Variants in SLC8A1 observed in about 807,000 individuals in gnomAD.
SLC8A1 encodes solute carrier family 8 member A1.
SLC8A1 carries 18 observed loss-of-function variants against 68.3 expected under a neutral mutation model. The ratio of observed to expected loss-of-function variants is 0.26; its 90% CI spans 0.18 to 0.39. The LOEUF (loss-of-function observed/expected upper bound fraction) is 0.39, where lower values mean the gene tolerates loss of function less well. SLC8A1 is among the 10% of genes least tolerant of loss of function. The pLI is 1.00. For synonymous variants in SLC8A1, 475 were observed against 415.5 expected, an observed-to-expected ratio of 1.14 and a Z score of -1.74; for missense variants, 985 against 1,156.7, an observed-to-expected ratio of 0.85 and a Z score of 2.15.
chr2:40,339,356 T>C (rs1214825739), intron 2 of SLC8A1, among the ~76,000 whole-genome samples: 2 of 152,200 alleles, frequency 1.3e-5, no homozygotes, highest in African/African-American at 2.4e-5. Flanking sequence ...GAGGAAAGGA[T>C]ATCAGAAGGC....
intron 2 of SLC8A1, among the ~76,000 whole-genome samples, chr2:40,356,455 G>A (rs13405065): frequency 0.48 from 72,954 of 151,734 alleles, 18,112 homozygotes; most frequent in Admixed American, 0.59. Context: ...TAAAAATCGC[G>A]TGAATACTTC....
At chr2:40,126,474 C>G (rs573480562) in intron 7 of SLC8A1, among the ~76,000 whole-genome samples, 1 of 152,288 alleles carries the variant, frequency 6.6e-6, no homozygotes, top group East Asian at 1.9e-4. Flanking sequence ...GGGATACCAT[C>G]TGCTGAGAAC....
chr2:40,367,085 T>TG (rs1308256067), intron 2 of SLC8A1, among the ~76,000 whole-genome samples: 2 of 151,966 alleles, frequency 1.3e-5, no homozygotes, highest in African/African-American at 4.8e-5. Flanking sequence ...GGATTTTTCA[T>TG]AAAAACCAAA....
At chr2:40,317,016 C>T (rs796583506) in intron 2 of SLC8A1, among the ~76,000 whole-genome samples, 3 of 152,044 alleles carry the variant, frequency 2.0e-5, no homozygotes, top group East Asian at 1.9e-4. Flanking sequence ...TTTGTTCACT[C>T]ATACGGAGTA....
chr2:40,127,916 G>A (rs950850390), intron 7 of SLC8A1, among the ~76,000 whole-genome samples: 4 of 152,140 alleles, frequency 2.6e-5, no homozygotes, highest in Admixed American at 6.5e-5. Flanking sequence ...GGGCACTAAC[G>A]GAGTTAGTGT....
At chr2:40,333,209 C>T (rs1018280811) in intron 2 of SLC8A1, among the ~76,000 whole-genome samples, 1 of 151,914 alleles carries the variant, frequency 6.6e-6, no homozygotes, top group Non-Finnish European at 1.5e-5. Flanking sequence ...GAGGCCAAGG[C>T]GGGCGGATCA....
chr2:40,226,699 C>G (rs760603229), intron 2 of SLC8A1, among the ~76,000 whole-genome samples: 4 of 152,146 alleles, frequency 2.6e-5, no homozygotes, highest in Non-Finnish European at 5.9e-5. Flanking sequence ...GCATCTTTGA[C>G]TAATGTGTAC....
chr2:40,142,245 A>G (rs1241466521), intron 6 of SLC8A1, among the ~76,000 whole-genome samples: 3 of 152,042 alleles, frequency 2.0e-5, no homozygotes, highest in Non-Finnish European at 2.9e-5. Context: ...GTAGAACTCC[A>G]TGTTAGAGAT....
chr2:40,119,555 A>C (rs892853210), intron 7 of SLC8A1, among the ~76,000 whole-genome samples: 2 of 152,232 alleles, frequency 1.3e-5, no homozygotes, highest in African/African-American at 4.8e-5. Flanking sequence ...CCTATGGTTA[A>C]ACCAGGCAAA....
Position 40,327,592 on chromosome 2 carries a change from CAT to C in SLC8A1, c.1808+100879_1808+100880del, listed in dbSNP as rs943144598. Among the ~76,000 whole-genome samples, 85 of 147,552 alleles carry C rather than the reference CAT, an allele frequency of 5.8e-4. 1 individual carries two copies. The highest frequency in any genetic ancestry group is 1.9e-3 in the African/African-American group (79 of 40,960). On this transcript the variant is annotated intron_variant, in intron 2 of 7. Coordinates refer to ENST00000406785, the Ensembl canonical transcript of SLC8A1. ...AATACTATGCAACCATAAAAAAAAA[CAT>C]GTTCTTTGCAGCAACATGGATGCAG...
chr2:40,173,300 A>G (rs1000961660), intron 4 of SLC8A1, among the ~76,000 whole-genome samples: 2 of 152,202 alleles, frequency 1.3e-5, no homozygotes, highest in Admixed American at 1.3e-4. Flanking sequence ...TAAAAAAAGG[A>G]GTATAAATTC....
At chr2:40,212,955 T>G (rs958211552) in intron 2 of SLC8A1, among the ~76,000 whole-genome samples, 2 of 152,186 alleles carry the variant, frequency 1.3e-5, no homozygotes, top group Non-Finnish European at 2.9e-5. Context: ...GGGCCAGAAG[T>G]TGCCTGTAAG....
intron 1 of SLC8A1, among the ~76,000 whole-genome samples, chr2:40,443,203 A>G (rs1291711053): frequency 6.6e-6 from 1 of 152,148 alleles, no homozygotes; most frequent in East Asian, 1.9e-4. Context: ...GCATACCACC[A>G]TGGCACATCT....
intron 1 of SLC8A1, among the ~76,000 whole-genome samples, chr2:40,485,234 A>C (rs1406723135): frequency 6.6e-6 from 1 of 152,122 alleles, no homozygotes; most frequent in Non-Finnish European, 1.5e-5. Flanking sequence ...TATCAAATTA[A>C]TGTGATTATT....
intron 2 of SLC8A1, among the ~76,000 whole-genome samples, chr2:40,364,197 A>G (rs1022971988): frequency 6.6e-6 from 1 of 152,132 alleles, no homozygotes; most frequent in African/African-American, 2.4e-5. Context: ...AAACATATAA[A>G]AACATATCAG....
chr2:40,320,911 C>T (rs1369974500), intron 2 of SLC8A1, among the ~76,000 whole-genome samples: 1 of 152,084 alleles, frequency 6.6e-6, no homozygotes, highest in South Asian at 2.1e-4. Flanking sequence ...CTGTGAGTTA[C>T]CCACAGTTTT....
chr2:40,344,107 G>T (rs1307281762), intron 2 of SLC8A1, among the ~76,000 whole-genome samples: 1 of 152,152 alleles, frequency 6.6e-6, no homozygotes, highest in Non-Finnish European at 1.5e-5. Flanking sequence ...GGGAAAATAA[G>T]TGAGGCCATA....
chr2:40,326,789 GT>G (rs1559255012), intron 2 of SLC8A1, among the ~76,000 whole-genome samples: 1 of 152,158 alleles, frequency 6.6e-6, no homozygotes, highest in African/African-American at 2.4e-5. Flanking sequence ...GAGGGCCTGT[GT>G]TTTAAGTATT....
chr2:40,112,406 T>C (rs1217421868), exon 8 of SLC8A1: 1 of 139,878 alleles, frequency 7.1e-6, no homozygotes, highest in Admixed American at 7.3e-5. Flanking sequence ...ATAATAACAA[T>C]CCTGAACAAC....
Sources: gnomAD v4.1 joint callset for allele counts (sites outside exome capture counted in the v4.1 genomes callset) on GRCh38, gnomAD v4.1.1 for gene constraint, MANE v1.5 for transcripts, NCBI Gene and HGNC (gene_info 2026-07-23, HGNC 2026-07-21) for gene names.